DGKB: variants seen among roughly 807,000 people sequenced by gnomAD.
DGKB encodes the protein diacylglycerol kinase beta.
Under a neutral mutation model 114.3 loss-of-function variants are expected in DGKB, and 67 were observed. The ratio of observed to expected loss-of-function variants is 0.59; its 90% confidence interval spans 0.48 to 0.72. The LOEUF (loss-of-function observed/expected upper bound fraction) is 0.72. Among genes scored for constraint, DGKB ranks in the 30% least tolerant of loss-of-function variants. The pLI, the probability that DGKB is intolerant of heterozygous loss-of-function variation, is 0.00. For missense variants in DGKB, 907 were observed against 975.2 expected, an observed-to-expected ratio of 0.93 and a Z score of 0.93; for synonymous variants, 398 against 323.1, an observed-to-expected ratio of 1.23 and a Z score of -2.49.
chr7:14,495,890 A>C (rs990888783), intron 20 of DGKB, among the ~76,000 whole-genome samples: 6 of 151,836 alleles, frequency 4.0e-5, no homozygotes, highest in Non-Finnish European at 8.8e-5. Context: ...TCAGTAAATG[A>C]TTAATTGCAA....
At chr7:14,781,388 A>G (rs1205532857) in intron 2 of DGKB, among the ~76,000 whole-genome samples, 1 of 152,216 alleles carries the variant, frequency 6.6e-6, no homozygotes, top group Non-Finnish European at 1.5e-5. Flanking sequence ...TGCAAATACT[A>G]CACATCCAAC....
intron 2 of DGKB, among the ~76,000 whole-genome samples, chr7:14,820,185 AT>A (rs1844723740): frequency 6.6e-6 from 1 of 152,182 alleles, no homozygotes; most frequent in Admixed American, 6.5e-5. Context: ...GTCACCTTTT[AT>A]ATAAATAATA....
Position 14,478,216 on chromosome 7 carries a change from TG to T in DGKB, c.1779del (p.Ile594LeufsTer8). On this transcript the variant is annotated frameshift_variant, in exon 21 of 26. Transcript: ENST00000402815. LOFTEE classifies it high-confidence loss of function. ...CTCATGATGTGGAATCTGTGTGCAATGGAGGCATCCTAAGGGGAGAAAATAG... is the reference window on the plus strand; with the variant it reads ...CTCATGATGTGGAATCTGTGTGCAATGAGGCATCCTAAGGGGAGAAAATAG... ...NNYFSIGVDA[S>X]IAHRFHIMRE... 1 of 1,598,312 alleles carries T rather than the reference TG, an allele frequency of 6.3e-7. No homozygotes were observed.
intron 5 of DGKB, among the ~76,000 whole-genome samples, chr7:14,721,450 T>C (rs1177199953): frequency 6.6e-6 from 1 of 152,176 alleles, no homozygotes; most frequent in Non-Finnish European, 1.5e-5. Flanking sequence ...ATGAGTAATA[T>C]TTTCCATTTT....
chr7:14,226,375 T>G (rs543396228), intron 23 of DGKB, among the ~76,000 whole-genome samples: 1 of 152,084 alleles, frequency 6.6e-6, no homozygotes, highest in African/African-American at 2.4e-5. Flanking sequence ...AATAGATATG[T>G]TTTTTCTCCT....
At chr7:14,943,719 G>T (rs1034473804) in intron 1 of DGKB, among the ~76,000 whole-genome samples, 2 of 151,714 alleles carry the variant, frequency 1.3e-5, no homozygotes, top group Non-Finnish European at 2.9e-5. Flanking sequence ...AAATTTTCAA[G>T]AATTTTGTGA....
chr7:14,871,299 T>C (rs1448290359), intron 1 of DGKB, among the ~76,000 whole-genome samples: 2 of 152,160 alleles, frequency 1.3e-5, no homozygotes, highest in South Asian at 2.1e-4. Flanking sequence ...AAATACATAA[T>C]ACATTTTTAT....
intron 2 of DGKB, among the ~76,000 whole-genome samples, chr7:14,763,011 G>C (rs796808361): frequency 4.9e-4 from 74 of 152,074 alleles, no homozygotes; most frequent in African/African-American, 1.6e-3. Context: ...TCCTCCTCTT[G>C]GCACCATAGG....
At chr7:14,293,500 C>T (rs546175633) in intron 23 of DGKB, among the ~76,000 whole-genome samples, 2 of 151,988 alleles carry the variant, frequency 1.3e-5, no homozygotes, top group East Asian at 1.9e-4. Context: ...TTAAAAAAAA[C>T]CACAATGTAA....
At chr7:14,869,255 T>C in intron 1 of DGKB, among the ~76,000 whole-genome samples, 1 of 152,188 alleles carries the variant, frequency 6.6e-6, no homozygotes, top group Non-Finnish European at 1.5e-5. Context: ...CAAAATTCAA[T>C]TTAGATTTTA....
At chr7:14,394,267 A>G (rs1218338448) in intron 21 of DGKB, among the ~76,000 whole-genome samples, 3 of 152,204 alleles carry the variant, frequency 2.0e-5, no homozygotes, top group South Asian at 2.1e-4. Context: ...AGACTTTGCT[A>G]TTAGAGTTAT....
chr7:14,734,607 C>A (rs186027049), intron 5 of DGKB, among the ~76,000 whole-genome samples: 2 of 152,278 alleles, frequency 1.3e-5, no homozygotes, highest in African/African-American at 2.4e-5. Flanking sequence ...TGAAGCCAGG[C>A]ATTAAAGAGA....
intron 13 of DGKB, among the ~76,000 whole-genome samples, chr7:14,663,740 C>G (rs949017050): frequency 4.8e-5 from 7 of 145,012 alleles, no homozygotes; most frequent in African/African-American, 1.8e-4. Context: ...CTTCCTTTCT[C>G]TCTCTGTCTC....
chr7:14,219,239 A>G lies in DGKB; in HGVS notation c.2123-41088T>C, dbSNP rs149860760. Reference sequence around the variant, plus strand: ...AATGTTGCTTTAAACATTAATGTACAGGCTTTCTGTAGACATAAGCTTTCA... The same window carrying G: ...AATGTTGCTTTAAACATTAATGTACGGGCTTTCTGTAGACATAAGCTTTCA... On this transcript the variant is annotated intron_variant, in intron 23 of 25. Coordinates refer to ENST00000402815, the MANE Select transcript of DGKB (RefSeq NM_001350709.2). Among the ~76,000 whole-genome samples, 310 of 152,032 alleles carry G rather than the reference A, an allele frequency of 2.0e-3. 2 individuals are homozygous for G. The highest frequency in any genetic ancestry group is 0.018 in the East Asian group (91 of 5,170).
chr7:14,412,568 A>C (rs1316490749), intron 21 of DGKB, among the ~76,000 whole-genome samples: 1 of 152,206 alleles, frequency 6.6e-6, no homozygotes, highest in African/African-American at 2.4e-5. Flanking sequence ...GGCAGGTGAC[A>C]GATCAAACCA....
chr7:14,156,070 CAGAG>C (rs1342223131), intron 25 of DGKB, among the ~76,000 whole-genome samples: 1 of 151,982 alleles, frequency 6.6e-6, no homozygotes, highest in Non-Finnish European at 1.5e-5. Flanking sequence ...TACAAACAGT[CAGAG>C]AGGTAGGAGA....
At chr7:14,884,453 G>C (rs1420772572) in intron 1 of DGKB, among the ~76,000 whole-genome samples, 1 of 151,886 alleles carries the variant, frequency 6.6e-6, no homozygotes, top group Non-Finnish European at 1.5e-5. Flanking sequence ...GATTGACCTT[G>C]TCCCTTACCT....
intron 6 of DGKB, among the ~76,000 whole-genome samples, chr7:14,711,947 T>C (rs1002266851): frequency 1.3e-5 from 2 of 152,190 alleles, no homozygotes; most frequent in Non-Finnish European, 2.9e-5. Context: ...ACCATCCGTA[T>C]GGATACTCAC....
At position 14,295,349 on chromosome 7, in the gene DGKB, T is replaced by C. The variant is rs184996660; in HGVS notation, c.2122+43166A>G. On this transcript the variant is annotated intron_variant, in intron 23 of 25. Transcript: ENST00000402815. ...TTTATTCAATCAGAGCTTTCTATGT[T>C]AGATTTCTTTATTTATAATTATGGA... 1.4e-3 allele frequency among the ~76,000 whole-genome samples: 214 copies of C among 152,290 alleles called. 1 individual carries two copies. Among genetic ancestry groups the C allele is most frequent in the African/African-American group, 4.8e-3 (201 of 41,578 alleles).
Sources: allele counts gnomAD v4.1 joint callset (sites outside exome capture counted in the v4.1 genomes callset), GRCh38; gene constraint gnomAD v4.1.1; transcripts MANE v1.5; gene names NCBI Gene and HGNC (gene_info 2026-07-23, HGNC 2026-07-21).